Variants in SMIM35 observed in about 807,000 individuals in gnomAD.
SMIM35 encodes the protein small integral membrane protein 35.
At chr11:118,048,381 C>G (rs892487218) in intron 1 of SMIM35, among the ~76,000 whole-genome samples, 1 of 152,054 alleles carries the variant, frequency 6.6e-6, no homozygotes, top group Non-Finnish European at 1.5e-5. Flanking sequence ...GACCTGCTGG[C>G]GTGCTCCTGT....
chr11:118,048,965 G>T (rs1250611984), intron 1 of SMIM35, among the ~76,000 whole-genome samples: 2 of 54,376 alleles, frequency 3.7e-5, no homozygotes, highest in Admixed American at 1.7e-4. Context: ...AAAAAAAAAA[G>T]CAAGTGAAAA....
chr11:118,063,403 T>C (rs79444118), intron 1 of SMIM35, among the ~76,000 whole-genome samples: 2,519 of 152,338 alleles, frequency 0.017, 107 homozygotes, highest in East Asian at 0.11. Flanking sequence ...CGTCTGCATT[T>C]TTCTGTCTTT....
Position 118,053,307 on chromosome 11 carries a change from A to AACACACACAC in SMIM35, c.7+33434_7+33443dup, listed in dbSNP as rs57912361. On this transcript the variant is annotated intron_variant, in intron 1 of 4. Transcript: ENST00000689828. ...TGGGTGACAGAGCAAGACTCTCTAA[A>AACACACACAC]ACACACACACACACACACACACACA... Among the ~76,000 whole-genome samples the AACACACACAC allele has an allele frequency of 1.9e-3, 276 of 142,090 alleles. 1 individual carries two copies. The highest frequency in any genetic ancestry group is 5.9e-3 in the African/African-American group (218 of 37,172). 93.2% of individuals were successfully genotyped at this position (142,090 alleles called of 152,430 possible). A position where few individuals can be genotyped will look rare whatever the true frequency, so the allele number is the denominator to read the frequency against.
At chr11:118,043,583 G>A (rs1171532825) in intron 1 of SMIM35, among the ~76,000 whole-genome samples, 3 of 152,024 alleles carry the variant, frequency 2.0e-5, no homozygotes, top group Non-Finnish European at 2.9e-5. Context: ...GGCTGAGGCG[G>A]GCCGAACACG....
intron 1 of SMIM35, among the ~76,000 whole-genome samples, chr11:118,069,181 G>T (rs185919345): frequency 3.4e-4 from 51 of 152,134 alleles, no homozygotes; most frequent in Non-Finnish European, 1.9e-4. Flanking sequence ...GTGAGGTATC[G>T]GGCCACCCCC....
At chr11:118,079,786 G>A (rs113928731) in intron 1 of SMIM35, among the ~76,000 whole-genome samples, 11 of 152,312 alleles carry the variant, frequency 7.2e-5, no homozygotes, top group South Asian at 2.1e-4. Flanking sequence ...TGCGGGCAGC[G>A]GGGTGCTGGG....
At chr11:118,037,311 A>T (rs900485164) in intron 1 of SMIM35, among the ~76,000 whole-genome samples, 20 of 152,138 alleles carry the variant, frequency 1.3e-4, no homozygotes, top group African/African-American at 4.8e-4. Context: ...CATTTGAAGA[A>T]CCATTTGTAG....
intron 1 of SMIM35, 126 bp from the exon 2 acceptor site, chr11:118,015,935 G>A: frequency 2.5e-6 from 1 of 397,810 alleles, no homozygotes; most frequent in Non-Finnish European, 4.4e-6. Context: ...GCCTTGCTCT[G>A]AGCCCAGTGA....
chr11:118,028,948 G>A (rs764239197), intron 1 of SMIM35: 4 of 393,616 alleles, frequency 1.0e-5, no homozygotes, highest in East Asian at 7.5e-5. Flanking sequence ...AGGAGGAGGA[G>A]GAGAAATTCG....
intron 1 of SMIM35, among the ~76,000 whole-genome samples, chr11:118,056,951 G>A (rs1944322175): frequency 6.6e-6 from 1 of 152,164 alleles, no homozygotes; most frequent in African/African-American, 2.4e-5. Context: ...GTGAAGAAAG[G>A]AGAAAAATAG....
At chr11:118,012,441 C>T (rs759680313) in intron 4 of SMIM35, among the ~76,000 whole-genome samples, 11 of 152,220 alleles carry the variant, frequency 7.2e-5, no homozygotes, top group African/African-American at 1.4e-4. Flanking sequence ...TGTTCAGCCT[C>T]GCCTGGGTTC....
At chr11:118,074,853 A>T (rs1944631009) in intron 1 of SMIM35, among the ~76,000 whole-genome samples, 1 of 151,896 alleles carries the variant, frequency 6.6e-6, no homozygotes, top group Non-Finnish European at 1.5e-5. Flanking sequence ...CTCCCTCTGT[A>T]AACCTTCACC....
chr11:118,045,378 C>T (rs1944082549), intron 1 of SMIM35, among the ~76,000 whole-genome samples: 1 of 127,230 alleles, frequency 7.9e-6, no homozygotes, highest in African/African-American at 2.8e-5. Flanking sequence ...GAGAGAAAGG[C>T]TGTCACCAAG....
At position 118,021,046 on chromosome 11, in the gene SMIM35, G is replaced by GGTTTTTTTTTTTGTTT. The variant is rs146664745; in HGVS notation, c.8-5238_8-5237insAAACAAAAAAAAAAAC. ...TTTAGTTTCCAAATTCACAGGGTAAGGTTTTTTTTTTTACTATTTATTAAG... is the reference window on the plus strand; with the variant it reads ...TTTAGTTTCCAAATTCACAGGGTAAGGTTTTTTTTTTTGTTTGTTTTTTTTTTTACTATTTATTAAG... On this transcript the variant is annotated intron_variant, in intron 1 of 4. Coordinates refer to ENST00000689828, the MANE Select transcript of SMIM35 (RefSeq NM_001394165.1). Among the ~76,000 whole-genome samples, 66 of 130,814 alleles carry GGTTTTTTTTTTTGTTT rather than the reference G, an allele frequency of 5.0e-4. 1 individual carries two copies. The highest frequency in any genetic ancestry group is 4.7e-3 in the East Asian group (22 of 4,642). The allele number at this position is 130,814 out of a possible 152,430, so 85.8% of individuals were successfully genotyped here. A position where few individuals can be genotyped will look rare whatever the true frequency, so the allele number is the denominator to read the frequency against.
At chr11:118,066,250 T>A (rs1027043417) in intron 1 of SMIM35, among the ~76,000 whole-genome samples, 5 of 152,114 alleles carry the variant, frequency 3.3e-5, no homozygotes, top group African/African-American at 1.2e-4. Context: ...CTCTTCGCCC[T>A]TGTTTTCCAA....
At chr11:118,066,691 G>C (rs1013467185) in intron 1 of SMIM35, among the ~76,000 whole-genome samples, 1 of 151,918 alleles carries the variant, frequency 6.6e-6, no homozygotes, top group Non-Finnish European at 1.5e-5. Context: ...TATCTTAGCC[G>C]GGCATGGTGG....
Position 118,006,382 on chromosome 11 carries a change from A to C in SMIM35, c.*34-6T>G, listed in dbSNP as rs1303937131. On this transcript the variant is annotated splice_polypyrimidine_tract_variant and splice_region_variant and intron_variant, in intron 4 of 4. Transcript: ENST00000689828. ...CTGGGCCTCAGTCTTCTCATCTGTG[A>C]AATGGACACAGTAGTCTTCAAGTTG... The C allele has an allele frequency of 1.3e-5, 2 of 152,242 alleles. No individual in the cohort carries two copies. The highest frequency in any genetic ancestry group is 4.8e-5 in the African/African-American group (2 of 41,450). The allele number at this position is 152,242 out of a possible 1,614,324, so 9.4% of individuals were successfully genotyped here.
intron 1 of SMIM35, among the ~76,000 whole-genome samples, chr11:118,018,680 A>G (rs933913635): frequency 3.9e-5 from 6 of 152,168 alleles, no homozygotes; most frequent in African/African-American, 1.4e-4. Context: ...CAGCAGGGAA[A>G]TCACAGGCCT....
intron 1 of SMIM35, among the ~76,000 whole-genome samples, chr11:118,058,382 G>C (rs1342893080): frequency 2.6e-5 from 4 of 152,158 alleles, no homozygotes; most frequent in Non-Finnish European, 5.9e-5. Context: ...AGGAGTGTGG[G>C]GAAGGGGCTA....
Sources: gnomAD v4.1 joint callset for allele counts (sites outside exome capture counted in the v4.1 genomes callset) on GRCh38, gnomAD v4.1.1 for gene constraint, MANE v1.5 for transcripts, NCBI Gene and HGNC (gene_info 2026-07-23, HGNC 2026-07-21) for gene names.